COL19A1: variants seen among roughly 807,000 people sequenced by gnomAD.
The protein encoded by COL19A1 is collagen type XIX alpha 1 chain.
In COL19A1, 159 loss-of-function variants were observed where a neutral mutation model predicts 190.2. That is an observed-to-expected ratio of 0.84 (90% CI 0.73 to 0.95). The LOEUF is 0.95. COL19A1 is among the 40% of genes least tolerant of loss of function. COL19A1 has a pLI of 0.00. For synonymous variants in COL19A1, 509 were observed against 458.9 expected (o/e 1.11, Z -1.39); for missense variants, 1,418 against 1,431.9 (o/e 0.99, Z 0.16).
intron 18 of COL19A1, among the ~76,000 whole-genome samples, chr6:70,136,491 G>T (rs2150229539): frequency 6.6e-6 from 1 of 152,220 alleles, no homozygotes; most frequent in African/African-American, 2.4e-5. Flanking sequence ...AATAGAGATG[G>T]ATATTAAAAA....
chr6:70,198,707 A>T (rs1767362512), intron 48 of COL19A1, among the ~76,000 whole-genome samples: 1 of 152,232 alleles, frequency 6.6e-6, no homozygotes, highest in South Asian at 2.1e-4. Context: ...TTGCTGCATA[A>T]GAAAATACCT....
intron 14 of COL19A1, among the ~76,000 whole-genome samples, chr6:70,064,770 A>G (rs565849514): frequency 7.2e-5 from 11 of 152,340 alleles, no homozygotes; most frequent in Admixed American, 6.5e-4. Flanking sequence ...AAGTCTCAGG[A>G]TACAAAATGT....
At chr6:70,047,011 T>C (rs1381050025) in intron 14 of COL19A1, among the ~76,000 whole-genome samples, 1 of 152,144 alleles carries the variant, frequency 6.6e-6, no homozygotes, top group Non-Finnish European at 1.5e-5. Flanking sequence ...ATCACATTTT[T>C]TCAAAAGGTA....
At chr6:70,089,404 C>T (rs1393015606) in intron 15 of COL19A1, among the ~76,000 whole-genome samples, 1 of 151,970 alleles carries the variant, frequency 6.6e-6, no homozygotes, top group African/African-American at 2.4e-5. Flanking sequence ...TTAAAAGATG[C>T]CCAAACTATG....
chr6:70,165,716 A>G (rs189397219), intron 36 of COL19A1, among the ~76,000 whole-genome samples: 12 of 152,298 alleles, frequency 7.9e-5, no homozygotes, highest in African/African-American at 2.9e-4. Context: ...GAGCTCACAC[A>G]GTGAGAGTCA....
At chr6:69,907,230 A>C (rs968318511) in intron 4 of COL19A1, among the ~76,000 whole-genome samples, 1 of 151,488 alleles carries the variant, frequency 6.6e-6, no homozygotes, top group East Asian at 2.0e-4. Context: ...CCCGGTTTCA[A>C]ACGATTCTCC....
chr6:69,957,505 T>G (rs1329066994), intron 9 of COL19A1, among the ~76,000 whole-genome samples: 1 of 152,116 alleles, frequency 6.6e-6, no homozygotes, highest in Non-Finnish European at 1.5e-5. Flanking sequence ...TCCTGTAGTT[T>G]GAATTTGTAC....
intron 49 of COL19A1, among the ~76,000 whole-genome samples, chr6:70,201,107 T>G (rs1314249296): frequency 6.6e-6 from 1 of 152,218 alleles, no homozygotes; most frequent in Non-Finnish European, 1.5e-5. Context: ...AAAGCTTATC[T>G]GAAAATGTGT....
At chr6:70,177,062 T>G (rs1054684064) in intron 42 of COL19A1, among the ~76,000 whole-genome samples, 2 of 152,300 alleles carry the variant, frequency 1.3e-5, no homozygotes, top group Non-Finnish European at 2.9e-5. Context: ...CAATCATTTT[T>G]GTTGCTCTCT....
intron 15 of COL19A1, among the ~76,000 whole-genome samples, chr6:70,087,471 G>T (rs1782654021): frequency 6.6e-6 from 1 of 152,108 alleles, no homozygotes; most frequent in East Asian, 1.9e-4. Flanking sequence ...ACTTTAGGAG[G>T]TCGGTATGGC....
chr6:70,048,202 A>T (rs1042669150), intron 14 of COL19A1, among the ~76,000 whole-genome samples: 2 of 152,106 alleles, frequency 1.3e-5, no homozygotes, highest in African/African-American at 4.8e-5. Context: ...AAATACCATA[A>T]GCAACGGAGA....
intron 17 of COL19A1, among the ~76,000 whole-genome samples, chr6:70,129,626 G>A (rs1188377065): frequency 2.0e-5 from 3 of 152,238 alleles, no homozygotes; most frequent in Non-Finnish European, 4.4e-5. Flanking sequence ...AGAGGCAGGA[G>A]GATAGCTTGA....
chr6:70,059,706 T>C (rs1272437632), intron 14 of COL19A1: 2 of 453,686 alleles, frequency 4.4e-6, no homozygotes, highest in Non-Finnish European at 8.9e-6. Context: ...TCCAGAATTG[T>C]GTTAAACGGA....
At chr6:69,942,332 A>G (rs1364187250) in intron 9 of COL19A1, among the ~76,000 whole-genome samples, 4 of 152,198 alleles carry the variant, frequency 2.6e-5, no homozygotes, top group African/African-American at 9.6e-5. Context: ...TGGGATAATT[A>G]ACATGTCCAT....
chr6:70,037,020 A>T (rs1779389730), intron 14 of COL19A1, among the ~76,000 whole-genome samples: 1 of 152,206 alleles, frequency 6.6e-6, no homozygotes, highest in Non-Finnish European at 1.5e-5. Flanking sequence ...TAGATAACTT[A>T]CTTGGGGATA....
At chr6:70,042,492 A>C (rs1419108795) in intron 14 of COL19A1, among the ~76,000 whole-genome samples, 3 of 152,236 alleles carry the variant, frequency 2.0e-5, no homozygotes, top group Non-Finnish European at 4.4e-5. Context: ...CTGAGCCTTC[A>C]GTGAGTTGTA....
At chr6:70,000,634 T>A (rs1777204311) in intron 11 of COL19A1, among the ~76,000 whole-genome samples, 1 of 152,230 alleles carries the variant, frequency 6.6e-6, no homozygotes, top group African/African-American at 2.4e-5. Flanking sequence ...GTTGAGCTTT[T>A]TTCGTATGTT....
At chr6:70,125,439 G>A (rs532794344) in intron 17 of COL19A1, among the ~76,000 whole-genome samples, 1 of 152,152 alleles carries the variant, frequency 6.6e-6, no homozygotes, top group Admixed American at 6.6e-5. Context: ...TCATTTTCCG[G>A]TCCCAGGATC....
rs1775165898 is a variant in COL19A1, at chr6:69,967,210, T to C, written c.1026+4340T>C. Among the ~76,000 whole-genome samples the C allele has an allele frequency of 2.0e-5, 3 of 152,208 alleles. No homozygotes were observed. The South Asian group carries it at 6.2e-4, about 32-fold the overall frequency. On this transcript the variant is annotated intron_variant, in intron 11 of 50. Transcript: ENST00000620364. ...GTAGTCGACTTGGTTCACTGAATAG[T>C]GATGTTTAACTTGGGCATATATGGT...
Sources: gnomAD v4.1 joint callset for allele counts (sites outside exome capture counted in the v4.1 genomes callset) on GRCh38, gnomAD v4.1.1 for gene constraint, MANE v1.5 for transcripts, NCBI Gene and HGNC (gene_info 2026-07-23, HGNC 2026-07-21) for gene names.